Variants in NMI observed in about 807,000 individuals in gnomAD.
NMI encodes the protein N-myc and STAT interactor.
NMI carries 39 observed loss-of-function variants against 34.3 expected under a neutral mutation model. That is an observed-to-expected ratio of 1.14 (90% confidence interval 0.88 to 1.49). The LOEUF is 1.49. NMI is among the 40% of genes most tolerant of loss of function. The probability of loss-of-function intolerance (pLI) is 0.00; values close to 1 mark genes in which losing one functional copy is unlikely to be tolerated. For missense variants in NMI, 339 were observed against 358.1 expected, an observed-to-expected ratio of 0.95 and a Z score of 0.43; for synonymous variants, 113 against 120.3, an observed-to-expected ratio of 0.94 and a Z score of 0.40.
intron 1 of NMI, among the ~76,000 whole-genome samples, 166 bp downstream of exon 1, chr2:151,289,427 C>T (rs1683578485): frequency 6.6e-6 from 1 of 152,218 alleles, no homozygotes; most frequent in Admixed American, 6.5e-5. Flanking sequence ...GCGGCGTGGC[C>T]TCCGCGACTC....
At chr2:151,288,699 T>G (rs1003070391) in intron 1 of NMI, among the ~76,000 whole-genome samples, 2 of 152,132 alleles carry the variant, frequency 1.3e-5, no homozygotes, top group Non-Finnish European at 2.9e-5. Flanking sequence ...CGTAATACAA[T>G]CATATAACTG....
Position 151,275,476 on chromosome 2 carries a change from T to A in NMI, c.634+8A>T. ...GAGTGTCTGTTAACCTTCTACACCC[T>A]TGAGTACCTCCAATCTCCACAAACG... On this transcript the variant is annotated splice_region_variant and intron_variant, in intron 6 of 7. Coordinates refer to ENST00000243346, the MANE Select transcript of NMI (RefSeq NM_004688.3). The A allele has an allele frequency of 6.2e-7, 1 of 1,612,394 alleles. No homozygotes were observed. Among genetic ancestry groups the A allele is most frequent in the Non-Finnish European group, 8.5e-7 (1 of 1,179,154 alleles).
At position 151,285,227 on chromosome 2, in the gene NMI, T is replaced by C. The variant is rs1034218042; in HGVS notation, c.-6-2273A>G. On this transcript the variant is annotated intron_variant, in intron 1 of 7. Coordinates refer to ENST00000243346, the MANE Select transcript of NMI (RefSeq NM_004688.3). ...AAGTAAGTAAATATATGGAGGATAA[T>C]AGGAGCCAAGTTTTTCACCGTCAGA... 6.6e-5 allele frequency among the ~76,000 whole-genome samples: 10 copies of C among 152,202 alleles called. No homozygotes were observed. The East Asian group carries it at 1.7e-3, about 26-fold the overall frequency.
Position 151,281,979 on chromosome 2 carries a change from G to A in NMI, c.146C>T (p.Thr49Met), listed in dbSNP as rs142071161. The A allele has an allele frequency of 7.3e-5, 113 of 1,558,022 alleles. 3 individuals carry two copies. The East Asian group carries it at 1.1e-3, about 16-fold the overall frequency. ...TTCTTTGGTAGCCTCTTGTAACTCC[G>A]TTTCAAGCTTTTGGATCTCCTTCTT... is the stretch of plus-strand genomic sequence containing the variant. The part of the protein sequence containing the change: ...QLKKEIQKLE[T>M]ELQEATKEFQ... Residue 49 changes from threonine (T) to methionine (M), a missense_variant, in exon 3 of 8, where the codon ACG (threonine) becomes ATG (methionine). Coordinates refer to ENST00000243346, the MANE Select transcript of NMI (RefSeq NM_004688.3).
At chr2:151,278,487 G>A (rs1278870527) in intron 4 of NMI, 1 of 199,908 alleles carries the variant, frequency 5.0e-6, no homozygotes, top group Non-Finnish European at 1.0e-5. Flanking sequence ...AGTATAAAAT[G>A]TGATAATGTC....
intron 4 of NMI, chr2:151,278,395 C>T (rs1370003992): frequency 6.5e-6 from 1 of 154,754 alleles, no homozygotes; most frequent in African/African-American, 2.4e-5. Context: ...TCCTCAGAAT[C>T]TGTTTTCTTG....
chr2:151,280,908 T>G (rs1392030867), intron 3 of NMI, among the ~76,000 whole-genome samples: 1 of 151,912 alleles, frequency 6.6e-6, no homozygotes, highest in African/African-American at 2.4e-5. Flanking sequence ...AGTGGTGTGA[T>G]CTCAGCTCAT....
At chr2:151,278,177 GT>G (rs1325027980) in intron 4 of NMI, 1 of 152,218 alleles carries the variant, frequency 6.6e-6, no homozygotes, top group Non-Finnish European at 1.5e-5. Context: ...AAACCCTGAG[GT>G]TTATAAAGAA....
At position 151,281,431 on chromosome 2, in the gene NMI, G is replaced by A. The variant is rs13408684; in HGVS notation, c.177+517C>T. Among the ~76,000 whole-genome samples the A allele has an allele frequency of 4.4e-3, 669 of 152,162 alleles. 4 individuals carry two copies. The highest frequency in any genetic ancestry group is 0.014 in the African/African-American group (574 of 41,498). On this transcript the variant is annotated intron_variant, in intron 3 of 7. Transcript: ENST00000243346. ...TTTTTGTAAATTTATTAAAGTGTAC[G>A]TAAATAATAGAAAAATGCATGTATC...
At chr2:151,277,832 G>C (rs981153365) in intron 4 of NMI, 1 of 152,160 alleles carries the variant, frequency 6.6e-6, no homozygotes, top group Non-Finnish European at 1.5e-5. Flanking sequence ...TGGAAGGGCT[G>C]GGAACACCAT....
chr2:151,286,937 C>T (rs1195728031), intron 1 of NMI, among the ~76,000 whole-genome samples: 1 of 152,128 alleles, frequency 6.6e-6, no homozygotes, highest in Non-Finnish European at 1.5e-5. Context: ...TGCCATTTCT[C>T]CTTTTTAATC....
rs567224043 is a variant in NMI, at chr2:151,284,427, T to C, written c.-6-1473A>G. 4.6e-5 allele frequency among the ~76,000 whole-genome samples: 7 copies of C among 152,170 alleles called. No individual in the cohort carries two copies. In the South Asian group the frequency reaches 6.2e-4, roughly 14 times the overall value. ...GATCCTCCCACCTCAGCCCCCCAAG[T>C]AGTTGGGACTACAGGTATGTGCCAC... On this transcript the variant is annotated intron_variant, in intron 1 of 7. Transcript: ENST00000243346.
chr2:151,280,592 C>T (rs3854012), intron 3 of NMI, among the ~76,000 whole-genome samples: 66,726 of 152,032 alleles, frequency 0.44, 14,967 homozygotes, highest in Admixed American at 0.54. Flanking sequence ...GACCACACTG[C>T]GACAGACAGC....
intron 6 of NMI, among the ~76,000 whole-genome samples, chr2:151,272,869 G>C (rs1018181519): frequency 6.6e-6 from 1 of 152,074 alleles, no homozygotes; most frequent in African/African-American, 2.4e-5. Flanking sequence ...ACTTGAATGA[G>C]GTACCTAGAA....
At chr2:151,273,961 C>CTGTA (rs1683234029) in intron 6 of NMI, among the ~76,000 whole-genome samples, 1 of 152,180 alleles carries the variant, frequency 6.6e-6, no homozygotes, top group South Asian at 2.1e-4. Context: ...CAACATATTA[C>CTGTA]TGTAGCCCTC....
intron 1 of NMI, among the ~76,000 whole-genome samples, chr2:151,286,013 A>G (rs1237815200): frequency 6.6e-6 from 1 of 152,234 alleles, no homozygotes; most frequent in Non-Finnish European, 1.5e-5. Context: ...GTCCAGATAA[A>G]TTAGAAATTT....
At position 151,282,955 on chromosome 2, in the gene NMI, C is replaced by A; in HGVS notation, c.-6-1G>T. 3 of 1,423,350 alleles carry A rather than the reference C, an allele frequency of 2.1e-6. No homozygotes were observed. Among genetic ancestry groups the A allele is most frequent in the Non-Finnish European group, 2.8e-6 (3 of 1,055,062 alleles). The allele number at this position is 1,423,350 out of a possible 1,614,324, so 88.2% of individuals were successfully genotyped here. ...CATCTTTATCAGCTTCCATGATCCC[C>A]TAATATTATAAAAAATAAATATTAT... is the stretch of plus-strand genomic sequence containing the variant. On this transcript the variant is annotated splice_acceptor_variant, in intron 1 of 7. Coordinates refer to ENST00000243346, the MANE Select transcript of NMI (RefSeq NM_004688.3). LOFTEE classifies it low-confidence loss of function (5UTR_SPLICE).
In NMI at chr2:151,280,848, A is replaced by ATT. The variant is rs11461986; in HGVS notation, c.177+1098_177+1099dup. ...AGAAACAAGAAGTGTCAATGCTTTA[A>ATT]TTTTTTTTTTTTTAGGCGGCGCCTC... On this transcript the variant is annotated intron_variant, in intron 3 of 7. Transcript: ENST00000243346. 3.4e-3 allele frequency among the ~76,000 whole-genome samples: 503 copies of ATT among 148,514 alleles called. 9 individuals are homozygous for ATT. Among genetic ancestry groups the ATT allele is most frequent in the Middle Eastern group, 3.5e-3 (1 of 284 alleles).
In NMI at chr2:151,275,734, A is replaced by C. The variant is rs749969847; in HGVS notation, c.447+24T>G. 4.3e-6 allele frequency: 7 copies of C among 1,609,220 alleles called. No homozygotes were observed. The Admixed American group carries it at 1.0e-4, about 23-fold the overall frequency. The stretch of plus-strand genomic sequence containing the variant: ...AAGTGCTTGTGATGAACAGAAATCC[A>C]AAAAATTTTAATCATCCTGTTACCT... On this transcript the variant is annotated intron_variant, in intron 5 of 7. Transcript: ENST00000243346.
Sources: gnomAD v4.1 joint callset for allele counts (sites outside exome capture counted in the v4.1 genomes callset) on GRCh38, gnomAD v4.1.1 for gene constraint, MANE v1.5 for transcripts, NCBI Gene and HGNC (gene_info 2026-07-23, HGNC 2026-07-21) for gene names.